The following NLGN1 variants were observed in gnomAD, a reference collection of about 807,000 sequenced individuals.
NLGN1 encodes the protein neuroligin-1.
In NLGN1, 12 loss-of-function variants were observed where a neutral mutation model predicts 65.5. The observed-to-expected ratio is 0.18, with a 90% CI of 0.12 to 0.30. NLGN1 has a LOEUF of 0.30. NLGN1 is among the 10% of genes least tolerant of loss of function. The pLI is 1.00. For missense variants in NLGN1, 750 were observed against 1,007.1 expected, an observed-to-expected ratio of 0.74 and a Z score of 3.46; for synonymous variants, 350 against 359.5, an observed-to-expected ratio of 0.97 and a Z score of 0.30.
chr3:173,792,979 C>CT (rs1713149652), intron 3 of NLGN1, among the ~76,000 whole-genome samples: 1 of 152,156 alleles, frequency 6.6e-6, no homozygotes, highest in African/African-American at 2.4e-5. Flanking sequence ...ACAAGATTCA[C>CT]TATGTCTAAG....
At chr3:174,219,832 A>G (rs991491632) in intron 4 of NLGN1, among the ~76,000 whole-genome samples, 7 of 152,180 alleles carry the variant, frequency 4.6e-5, no homozygotes, top group African/African-American at 1.7e-4. Flanking sequence ...TGGTTCAAGT[A>G]AAATAGGAAA....
chr3:174,174,326 G>A (rs1729064514), intron 4 of NLGN1, among the ~76,000 whole-genome samples: 1 of 151,962 alleles, frequency 6.6e-6, no homozygotes, highest in East Asian at 1.9e-4. Flanking sequence ...CTCTTCCTCT[G>A]GGTAGATACC....
At chr3:173,659,222 G>A (rs1024276011) in intron 3 of NLGN1, among the ~76,000 whole-genome samples, 14 of 152,004 alleles carry the variant, frequency 9.2e-5, no homozygotes, top group African/African-American at 3.1e-4. Context: ...TTAGAGTTTA[G>A]GAAGGTGTCA....
chr3:173,478,077 C>A (rs897938275), intron 2 of NLGN1, among the ~76,000 whole-genome samples: 5 of 151,478 alleles, frequency 3.3e-5, no homozygotes, highest in Admixed American at 2.6e-4. Context: ...GAACATAAAT[C>A]ATTCTGTTAC....
intron 3 of NLGN1, among the ~76,000 whole-genome samples, chr3:173,619,288 C>G (rs73174592): frequency 0.01 from 1,564 of 151,992 alleles, 15 homozygotes; most frequent in Non-Finnish European, 0.016. Context: ...CTAAGGGGAG[C>G]AATGAAAAAA....
intron 3 of NLGN1, among the ~76,000 whole-genome samples, chr3:173,764,652 C>G (rs1413146582): frequency 6.6e-6 from 1 of 152,114 alleles, no homozygotes; most frequent in African/African-American, 2.4e-5. Flanking sequence ...TTAGCATAAT[C>G]TGCATAACTA....
chr3:174,104,324 T>C (rs1012945464), intron 4 of NLGN1, among the ~76,000 whole-genome samples: 3 of 152,178 alleles, frequency 2.0e-5, no homozygotes, highest in Non-Finnish European at 4.4e-5. Context: ...AAATAGCTTT[T>C]ATTGAGCACC....
chr3:173,428,157 A>T lies in NLGN1; in HGVS notation c.-389-6853A>T, dbSNP rs987617150. 7.2e-5 allele frequency among the ~76,000 whole-genome samples: 11 copies of T among 151,856 alleles called. No individual in the cohort carries two copies. The East Asian group carries it at 1.9e-3, about 27-fold the overall frequency. ...TTTTTATGGTTTCCATTTGTATGGA[A>T]TCTTTTTTTTCTCCTTCACTTTTAG... is the stretch of plus-strand genomic sequence containing the variant. On this transcript the variant is annotated intron_variant, in intron 1 of 6. Transcript: ENST00000457714.
chr3:173,793,290 A>G (rs1713218755), intron 3 of NLGN1, among the ~76,000 whole-genome samples: 2 of 152,122 alleles, frequency 1.3e-5, no homozygotes, highest in Non-Finnish European at 2.9e-5. Context: ...ATTTAATGAC[A>G]GGAATGAGAT....
intron 4 of NLGN1, among the ~76,000 whole-genome samples, chr3:174,248,779 G>T (rs950631299): frequency 6.6e-5 from 10 of 151,978 alleles, no homozygotes; most frequent in African/African-American, 2.4e-4. Context: ...AAAAATAAAA[G>T]ACTGTATGTT....
At chr3:174,235,358 A>C (rs1741523233) in intron 4 of NLGN1, among the ~76,000 whole-genome samples, 1 of 152,090 alleles carries the variant, frequency 6.6e-6, no homozygotes, top group African/African-American at 2.4e-5. Flanking sequence ...AGAGAGTAAT[A>C]ATTAATTTCA....
intron 4 of NLGN1, among the ~76,000 whole-genome samples, chr3:174,017,008 T>C (rs1411662167): frequency 2.0e-5 from 3 of 152,140 alleles, no homozygotes; most frequent in South Asian, 2.1e-4. Flanking sequence ...AAATGGCTAA[T>C]ACAATCTGAG....
rs188577341 is a variant in NLGN1, at chr3:173,853,238, A to G, written c.646+45406A>G. ...ACTTTTATAAGGTTGGCAGGTAGCAAACTACTTGTAGCATATGGAAAACAT... is the reference window on the plus strand; with the variant it reads ...ACTTTTATAAGGTTGGCAGGTAGCAGACTACTTGTAGCATATGGAAAACAT... On this transcript the variant is annotated intron_variant, in intron 4 of 6. Coordinates refer to ENST00000457714, the Ensembl canonical transcript of NLGN1. Among the ~76,000 whole-genome samples the G allele has an allele frequency of 3.9e-5, 6 of 152,322 alleles. No individual in the cohort carries two copies. The East Asian group carries it at 9.6e-4, about 24-fold the overall frequency.
rs148186676 is a variant in NLGN1 at position 173,879,419 on chromosome 3, G to T, written c.646+71587G>T. On this transcript the variant is annotated intron_variant, in intron 4 of 6. Coordinates refer to ENST00000457714, the Ensembl canonical transcript of NLGN1. The stretch of plus-strand genomic sequence containing the variant: ...CCACTGAAATTTTAATTCAGATATT[G>T]TATTTTTCAGTTCTAAAAGATTCAT... Among the ~76,000 whole-genome samples, 32 of 152,158 alleles carry T rather than the reference G, an allele frequency of 2.1e-4. No homozygotes were observed. The East Asian group carries it at 6.2e-3, about 29-fold the overall frequency.
intron 4 of NLGN1, among the ~76,000 whole-genome samples, chr3:174,155,768 A>G (rs1725330913): frequency 6.6e-6 from 1 of 151,992 alleles, no homozygotes; most frequent in South Asian, 2.1e-4. Context: ...AAGGGTACCA[A>G]GAACTGGAGT....
intron 4 of NLGN1, among the ~76,000 whole-genome samples, chr3:174,108,116 T>A (rs1037104956): frequency 6.6e-6 from 1 of 152,258 alleles, no homozygotes; most frequent in East Asian, 1.9e-4. Context: ...AACTGCATCT[T>A]TCACAGAGCA....
At chr3:174,071,415 C>T (rs1739829587) in intron 4 of NLGN1, among the ~76,000 whole-genome samples, 1 of 152,024 alleles carries the variant, frequency 6.6e-6, no homozygotes, top group Non-Finnish European at 1.5e-5. Context: ...GGTTTGATGT[C>T]TTATGCCTGT....
intron 3 of NLGN1, among the ~76,000 whole-genome samples, chr3:173,741,489 G>GTTTGTT (rs1774637297): frequency 1.3e-5 from 2 of 151,892 alleles, no homozygotes; most frequent in East Asian, 1.9e-4. Context: ...AGCTTTCTGG[G>GTTTGTT]TTTGTTTTTG....
intron 2 of NLGN1, among the ~76,000 whole-genome samples, chr3:173,449,114 G>A (rs576579790): frequency 6.6e-6 from 1 of 151,036 alleles, no homozygotes; most frequent in African/African-American, 2.4e-5. Flanking sequence ...GCTTTTGAAT[G>A]TGTTTGCTCT....
Sources: allele counts gnomAD v4.1 joint callset (sites outside exome capture counted in the v4.1 genomes callset), GRCh38; gene constraint gnomAD v4.1.1; transcripts MANE v1.5; gene names NCBI Gene and HGNC (gene_info 2026-07-23, HGNC 2026-07-21).